Variants in ESRRG observed in about 807,000 individuals in gnomAD.
The protein encoded by ESRRG is estrogen related receptor gamma.
ESRRG carries 13 observed loss-of-function variants against 44.0 expected under a neutral mutation model. That is an observed-to-expected ratio of 0.30 (90% CI 0.19 to 0.47). ESRRG has a LOEUF of 0.47. Ranked by LOEUF, ESRRG falls within the 20% of genes least tolerant of loss-of-function variation. The pLI is 1.00. For missense variants in ESRRG, 395 were observed against 580.6 expected, an observed-to-expected ratio of 0.68 and a Z score of 3.29; for synonymous variants, 215 against 214.6, an observed-to-expected ratio of 1.00 and a Z score of -0.02.
intron 2 of ESRRG, among the ~76,000 whole-genome samples, chr1:216,664,498 T>C (rs1271163541): frequency 1.3e-5 from 2 of 150,484 alleles, no homozygotes; most frequent in East Asian, 3.9e-4. Flanking sequence ...ATTCTTCACC[T>C]AAAGGCATTG....
At chr1:216,749,025 A>T (rs2091733841) in intron 2 of ESRRG, among the ~76,000 whole-genome samples, 1 of 152,034 alleles carries the variant, frequency 6.6e-6, no homozygotes, top group South Asian at 2.1e-4. Context: ...TTAATTTGTC[A>T]TGGCTCCATG....
intron 1 of ESRRG, among the ~76,000 whole-genome samples, chr1:216,709,343 G>GTATA (rs71163761): frequency 0.49 from 71,382 of 145,080 alleles, 19,601 homozygotes; most frequent in South Asian, 0.61. Context: ...GTGTGTGTGT[G>GTATA]TATATATATA....
chr1:216,908,376 G>A (rs1201639495), intron 2 of ESRRG, among the ~76,000 whole-genome samples: 1 of 152,198 alleles, frequency 6.6e-6, no homozygotes, highest in Non-Finnish European at 1.5e-5. Context: ...AGGAGAAATT[G>A]CCCTCAGACG....
chr1:216,633,120 C>T (rs2064571577), intron 3 of ESRRG, among the ~76,000 whole-genome samples: 1 of 152,148 alleles, frequency 6.6e-6, no homozygotes, highest in Non-Finnish European at 1.5e-5. Context: ...TAAAGAAATG[C>T]TGGGATGGCA....
At chr1:216,865,557 GA>G (rs2096140632) in intron 2 of ESRRG, among the ~76,000 whole-genome samples, 1 of 151,978 alleles carries the variant, frequency 6.6e-6, no homozygotes, top group African/African-American at 2.4e-5. Flanking sequence ...TTTTGTCTTT[GA>G]AAACTTTGTT....
intron 1 of ESRRG, among the ~76,000 whole-genome samples, chr1:216,678,586 T>C (rs2076503011): frequency 6.6e-6 from 1 of 152,234 alleles, no homozygotes; most frequent in African/African-American, 2.4e-5. Context: ...TTTTTCTTTG[T>C]TGTTCTCACA....
At chr1:216,717,560 T>C (rs1400955022) in intron 1 of ESRRG, among the ~76,000 whole-genome samples, 2 of 151,816 alleles carry the variant, frequency 1.3e-5, no homozygotes, top group African/African-American at 2.4e-5. Context: ...GTTAAAATGT[T>C]ATGCAAATAA....
chr1:217,112,789 C>G (rs2092674723), intron 1 of ESRRG, among the ~76,000 whole-genome samples: 1 of 152,068 alleles, frequency 6.6e-6, no homozygotes, highest in African/African-American at 2.4e-5. Flanking sequence ...TTCTTAAGAC[C>G]TCAAGAAGGT....
chr1:216,754,878 ACACAGATGGGGAATGCATCCATCCATTC>A (rs2092349280), intron 2 of ESRRG, among the ~76,000 whole-genome samples: 1 of 151,816 alleles, frequency 6.6e-6, no homozygotes, highest in Admixed American at 6.6e-5. Context: ...AGAACTGACT[ACACAGATGGGGAATGCATCCATCCATTC>A]ATTCAACAAA....
At chr1:216,666,368 T>C (rs1053329478) in intron 2 of ESRRG, among the ~76,000 whole-genome samples, 1 of 152,228 alleles carries the variant, frequency 6.6e-6, no homozygotes, top group African/African-American at 2.4e-5. Context: ...TATTTGAACA[T>C]ATGTACAAAA....
At chr1:217,063,127 G>A (rs2088905729) in intron 1 of ESRRG, among the ~76,000 whole-genome samples, 1 of 152,098 alleles carries the variant, frequency 6.6e-6, no homozygotes, top group Non-Finnish European at 1.5e-5. Context: ...TCTAGAAAAA[G>A]CATAGGAGAT....
Position 216,506,752 on chromosome 1 carries a change from T to C in ESRRG, c.*187A>G, listed in dbSNP as rs2041301789. 1.5e-6 allele frequency: 1 copy of C among 661,836 alleles called. No homozygotes were observed. Among genetic ancestry groups the C allele is most frequent in the African/African-American group, 1.8e-5 (1 of 54,438 alleles). The allele number at this position is 661,836 out of a possible 1,614,324, so 41.0% of individuals were successfully genotyped here. A position where few individuals can be genotyped will look rare whatever the true frequency, so the allele number is the denominator to read the frequency against. On this transcript the variant is annotated 3_prime_UTR_variant, in exon 7 of 7. Transcript: ENST00000408911. Reference sequence around the variant, plus strand: ...AGAGGAAAGAAGATGATGGAGAAAGTAGAAAGAAACTCATCAGGAACCTAT... The same window carrying C: ...AGAGGAAAGAAGATGATGGAGAAAGCAGAAAGAAACTCATCAGGAACCTAT...
rs1051296846 is a variant in ESRRG, at chr1:216,734,910, T to C, written c.-13-57419A>G. On this transcript the variant is annotated intron_variant, in intron 2 of 7. Coordinates refer to the ESRRG transcript ENST00000359162. Reference sequence around the variant, plus strand: ...TACTACATAGTTCCATATTCTTTTTTTTTTTTTTTTTTTTTTGAGACGGAG... The same window carrying C: ...TACTACATAGTTCCATATTCTTTTTCTTTTTTTTTTTTTTTTGAGACGGAG... Among the ~76,000 whole-genome samples, 9 of 139,004 alleles carry C rather than the reference T, an allele frequency of 6.5e-5. No individual in the cohort carries two copies. The South Asian group carries it at 2.1e-3, about 33-fold the overall frequency. 91.2% of individuals were successfully genotyped at this position (139,004 alleles called of 152,430 possible).
intron 1 of ESRRG, among the ~76,000 whole-genome samples, chr1:217,079,649 C>T (rs1315028232): frequency 6.6e-6 from 1 of 152,192 alleles, no homozygotes. Context: ...TCTGTTTCCT[C>T]ATCTGTGAAA....
intron 5 of ESRRG, among the ~76,000 whole-genome samples, chr1:216,552,787 T>C (rs1288861084): frequency 6.6e-6 from 1 of 152,178 alleles, no homozygotes; most frequent in Non-Finnish European, 1.5e-5. Context: ...GATCTAGCTT[T>C]GATATTATTC....
rs1266397788 is a variant in ESRRG, at chr1:217,133,645, C to CTCTCTTTCTT, written c.-230+4021_-230+4022insAAGAAAGAGA. Among the ~76,000 whole-genome samples the CTCTCTTTCTT allele has an allele frequency of 4.1e-3, 379 of 91,738 alleles. 2 individuals carry two copies. Among genetic ancestry groups the CTCTCTTTCTT allele is most frequent in the African/African-American group, 0.011 (266 of 23,620 alleles). 60.2% of individuals were successfully genotyped at this position (91,738 alleles called of 152,430 possible). ...TCTTTCTTTCTTTCTCTCTCTCTCTCTCTTTCTTTCTTTCTTTCTTTCTTT... is the reference window on the plus strand; with the variant it reads ...TCTTTCTTTCTTTCTCTCTCTCTCTCTCTCTTTCTTTCTTTCTTTCTTTCTTTCTTTCTTT... On this transcript the variant is annotated intron_variant, in intron 1 of 8. Transcript: ENST00000366940.
At chr1:216,718,874 G>A (rs904561789) in intron 1 of ESRRG, among the ~76,000 whole-genome samples, 4 of 151,948 alleles carry the variant, frequency 2.6e-5, no homozygotes, top group Non-Finnish European at 4.4e-5. Flanking sequence ...AGATCCCTCA[G>A]ATCCTCTCCT....
intron 1 of ESRRG, among the ~76,000 whole-genome samples, chr1:217,008,901 G>A (rs1363989357): frequency 6.6e-6 from 1 of 152,136 alleles, no homozygotes; most frequent in African/African-American, 2.4e-5. Flanking sequence ...GCAGGGCTTA[G>A]AAACTGAAGA....
At chr1:216,594,674 C>T (rs2150053107) in intron 3 of ESRRG, among the ~76,000 whole-genome samples, 1 of 152,248 alleles carries the variant, frequency 6.6e-6, no homozygotes, top group Non-Finnish European at 1.5e-5. Flanking sequence ...GCTATGTGAC[C>T]TTTGCATACA....
Sources: allele counts gnomAD v4.1 joint callset (sites outside exome capture counted in the v4.1 genomes callset), GRCh38; gene constraint gnomAD v4.1.1; transcripts MANE v1.5; gene names NCBI Gene and HGNC (gene_info 2026-07-23, HGNC 2026-07-21).